Variants in PRKG1 observed in about 807,000 individuals in gnomAD.
PRKG1 encodes protein kinase cGMP-dependent 1, also known as cGMP-dependent protein kinase 1.
A neutral mutation model predicts 88.1 loss-of-function variants in PRKG1; 35 were observed. That is an observed-to-expected ratio of 0.40 (90% CI 0.30 to 0.53). The LOEUF is 0.53. PRKG1 is among the 20% of genes least tolerant of loss of function. The pLI, the probability that PRKG1 is intolerant of heterozygous loss-of-function variation, is 0.59. For missense variants in PRKG1, 540 were observed against 839.8 expected (o/e 0.64, Z 4.41); for synonymous variants, 303 against 292.5 (o/e 1.04, Z -0.37).
intron 2 of PRKG1, among the ~76,000 whole-genome samples, chr10:51,192,140 TAA>T (rs112798339): frequency 1.4e-5 from 2 of 146,910 alleles, no homozygotes; most frequent in African/African-American, 5.0e-5. Context: ...TGTACTTCAT[TAA>T]AAAAAAAAAT....
chr10:51,548,497 T>G (rs192664436), intron 3 of PRKG1, among the ~76,000 whole-genome samples: 9 of 152,270 alleles, frequency 5.9e-5, no homozygotes, highest in African/African-American at 2.2e-4. Context: ...AAGGCCTCCA[T>G]TTTAAAGAAA....
At chr10:51,430,587 A>T (rs1838733675) in intron 2 of PRKG1, among the ~76,000 whole-genome samples, 1 of 152,228 alleles carries the variant, frequency 6.6e-6, no homozygotes, top group Non-Finnish European at 1.5e-5. Flanking sequence ...TATACTGTCC[A>T]GCAATTCCAC....
chr10:51,422,558 T>A (rs569226322), intron 2 of PRKG1, among the ~76,000 whole-genome samples: 3 of 152,272 alleles, frequency 2.0e-5, no homozygotes, highest in African/African-American at 7.2e-5. Flanking sequence ...ACTCTTCACA[T>A]ACTTTGTCAG....
At chr10:52,195,668 A>G (rs1839486133) in intron 9 of PRKG1, among the ~76,000 whole-genome samples, 2 of 152,212 alleles carry the variant, frequency 1.3e-5, no homozygotes, top group South Asian at 2.1e-4. Context: ...TACTTTAGTG[A>G]TCACTTATAA....
At chr10:51,435,942 A>T (rs1163409408) in intron 2 of PRKG1, among the ~76,000 whole-genome samples, 1 of 151,866 alleles carries the variant, frequency 6.6e-6, no homozygotes, top group Non-Finnish European at 1.5e-5. Context: ...TTTTCTTGAG[A>T]TTTTATTCTT....
intron 5 of PRKG1, among the ~76,000 whole-genome samples, chr10:52,047,438 G>C (rs911066869): frequency 2.0e-5 from 3 of 152,054 alleles, no homozygotes; most frequent in African/African-American, 4.8e-5. Flanking sequence ...AAGAACTTCT[G>C]GTTTACAGAT....
At chr10:51,506,205 G>T (rs1345647378) in intron 3 of PRKG1, among the ~76,000 whole-genome samples, 3 of 152,154 alleles carry the variant, frequency 2.0e-5, no homozygotes, top group Non-Finnish European at 4.4e-5. Flanking sequence ...GAAAATCCTA[G>T]AAGAAAACTT....
chr10:51,839,813 C>T (rs928371748), intron 4 of PRKG1, among the ~76,000 whole-genome samples: 9 of 152,146 alleles, frequency 5.9e-5, no homozygotes, highest in Non-Finnish European at 1.0e-4. Context: ...GAGGGCTGCC[C>T]CAAGGTAGGT....
chr10:51,566,936 AAG>A (rs564909693), intron 3 of PRKG1, among the ~76,000 whole-genome samples: 3 of 133,366 alleles, frequency 2.2e-5, no homozygotes, highest in South Asian at 2.1e-4. Context: ...ATAAAAAAAA[AAG>A]AGAGAGAGAG....
At chr10:52,091,825 C>A (rs1847063278) in intron 7 of PRKG1, among the ~76,000 whole-genome samples, 2 of 152,176 alleles carry the variant, frequency 1.3e-5, no homozygotes, top group Admixed American at 1.3e-4. Context: ...AACGAAGGAG[C>A]AAACCTTAAT....
At chr10:51,133,394 C>A (rs1241376026) in intron 1 of PRKG1, among the ~76,000 whole-genome samples, 6 of 152,174 alleles carry the variant, frequency 3.9e-5, no homozygotes, top group Admixed American at 2.0e-4. Flanking sequence ...TTGCACTGAT[C>A]ACTCCTAGGC....
At chr10:51,097,316 G>C (rs1056523421) in intron 1 of PRKG1, among the ~76,000 whole-genome samples, 2 of 152,100 alleles carry the variant, frequency 1.3e-5, no homozygotes, top group African/African-American at 4.8e-5. Flanking sequence ...TCCGCCCCCT[G>C]GGTTCAAGTT....
chr10:51,089,518 A>C (rs1012737701), intron 1 of PRKG1, among the ~76,000 whole-genome samples: 1 of 152,114 alleles, frequency 6.6e-6, no homozygotes, highest in African/African-American at 2.4e-5. Context: ...ACACAGGAAA[A>C]ATGTGAAGGT....
chr10:51,090,644 G>C (rs902048463), intron 1 of PRKG1, among the ~76,000 whole-genome samples: 1 of 152,140 alleles, frequency 6.6e-6, no homozygotes, highest in African/African-American at 2.4e-5. Flanking sequence ...AAGACAGGAA[G>C]TGTTAGTATT....
chr10:51,195,711 G>A (rs2132047395), intron 2 of PRKG1, among the ~76,000 whole-genome samples: 1 of 151,842 alleles, frequency 6.6e-6, no homozygotes, highest in East Asian at 1.9e-4. Context: ...TGGTTGTTCG[G>A]GTATACAATT....
At chr10:51,599,351 C>T (rs1370493899) in intron 3 of PRKG1, among the ~76,000 whole-genome samples, 1 of 152,106 alleles carries the variant, frequency 6.6e-6, no homozygotes, top group Non-Finnish European at 1.5e-5. Flanking sequence ...TTGACTAATC[C>T]AAAATGGCAA....
chr10:51,531,206 T>G (rs1343332273), intron 3 of PRKG1, among the ~76,000 whole-genome samples: 1 of 152,186 alleles, frequency 6.6e-6, no homozygotes, highest in East Asian at 1.9e-4. Context: ...CCTCAATGGT[T>G]TTACTCCTTC....
intron 3 of PRKG1, among the ~76,000 whole-genome samples, chr10:51,619,601 C>G (rs1443344018): frequency 2.0e-5 from 3 of 152,112 alleles, no homozygotes; most frequent in African/African-American, 7.2e-5. Context: ...TCCCAGGGCT[C>G]TTATGTTAAT....
At position 51,846,589 on chromosome 10, in the gene PRKG1, G is replaced by C. The variant is rs76518871; in HGVS notation, c.698+41899G>C. 1.6e-4 allele frequency among the ~76,000 whole-genome samples: 24 copies of C among 152,146 alleles called. No individual in the cohort carries two copies. In the East Asian group the frequency reaches 4.4e-3, roughly 28 times the overall value. ...TTCTGCCACTATATTAATATGTATA[G>C]ACAGTGTATTGATCTTCTTTCTGTA... is the stretch of plus-strand genomic sequence containing the variant. On this transcript the variant is annotated intron_variant, in intron 4 of 17. Transcript: ENST00000373980.
Sources: allele counts gnomAD v4.1 joint callset (sites outside exome capture counted in the v4.1 genomes callset), GRCh38; gene constraint gnomAD v4.1.1; transcripts MANE v1.5; gene names NCBI Gene and HGNC (gene_info 2026-07-23, HGNC 2026-07-21).